Variants in UBE3D observed in about 807,000 individuals in gnomAD.
UBE3D encodes E3 ubiquitin-protein ligase E3D.
A neutral mutation model predicts 49.6 loss-of-function variants in UBE3D; 48 were observed. That is an observed-to-expected ratio of 0.97 (90% CI 0.77 to 1.23). The LOEUF (loss-of-function observed/expected upper bound fraction) is 1.23. Ranked by LOEUF, UBE3D falls within the 50% of genes most tolerant of loss-of-function variation. The pLI, the probability that UBE3D is intolerant of heterozygous loss-of-function variation, is 0.00. For synonymous variants in UBE3D, 189 were observed against 174.2 expected, an observed-to-expected ratio of 1.08 and a Z score of -0.67; for missense variants, 452 against 468.4, an observed-to-expected ratio of 0.96 and a Z score of 0.32.
chr6:83,017,725 A>G (rs751331912), intron 8 of UBE3D: 1 of 152,142 alleles, frequency 6.6e-6, no homozygotes, highest in Non-Finnish European at 1.5e-5. Context: ...AAAATTTTAA[A>G]TGTCCATACC....
intron 3 of UBE3D, 36 bp from the exon 4 acceptor site, chr6:83,044,695 A>G (rs1782908514): frequency 6.8e-7 from 1 of 1,472,972 alleles, no homozygotes; most frequent in Non-Finnish European, 9.4e-7. Context: ...TTCACAGAAC[A>G]AAATGATACT....
chr6:82,910,045 A>G (rs950858816), intron 9 of UBE3D, among the ~76,000 whole-genome samples: 4 of 152,184 alleles, frequency 2.6e-5, no homozygotes, highest in Non-Finnish European at 5.9e-5. Context: ...GTGATTCCCG[A>G]AAGCTACTTC....
chr6:82,882,423 T>C, the UBE3D span, among the ~76,000 whole-genome samples: 1 of 152,222 alleles, frequency 6.6e-6, no homozygotes, highest in African/African-American at 2.4e-5. Flanking sequence ...GACAATTGAA[T>C]ACTTGGCACC....
chr6:82,959,964 G>A (rs1165471043), intron 8 of UBE3D, among the ~76,000 whole-genome samples: 2 of 151,972 alleles, frequency 1.3e-5, no homozygotes, highest in Admixed American at 6.6e-5. Flanking sequence ...TGGGAAATAC[G>A]CTTGCAGTCC....
chr6:82,923,107 GGTGGGA>G (rs1458592330), intron 9 of UBE3D, among the ~76,000 whole-genome samples: 1 of 152,204 alleles, frequency 6.6e-6, no homozygotes, highest in Non-Finnish European at 1.5e-5. Context: ...TTACACTGTT[GGTGGGA>G]GTGTAAATTA....
intron 1 of UBE3D, among the ~76,000 whole-genome samples, chr6:83,062,835 G>A (rs1437681567): frequency 6.6e-6 from 1 of 151,980 alleles, no homozygotes; most frequent in African/African-American, 2.4e-5. Flanking sequence ...GAGAAATGAT[G>A]GCCTTTTCAA....
intron 9 of UBE3D, among the ~76,000 whole-genome samples, chr6:82,945,119 A>G (rs993950478): frequency 2.0e-5 from 3 of 152,204 alleles, no homozygotes; most frequent in African/African-American, 7.2e-5. Flanking sequence ...GAGCAAACAT[A>G]GGTGTTGGCC....
intron 9 of UBE3D, among the ~76,000 whole-genome samples, chr6:82,954,090 G>A (rs956643238): frequency 2.6e-5 from 4 of 152,174 alleles, no homozygotes; most frequent in African/African-American, 9.7e-5. Context: ...AGAAAGGGAG[G>A]CAGGGCCAAG....
intron 3 of UBE3D, among the ~76,000 whole-genome samples, chr6:83,050,246 TA>T (rs11375982): frequency 4.2e-4 from 61 of 146,532 alleles, no homozygotes; most frequent in South Asian, 6.5e-4. Flanking sequence ...CTTTTTTATT[TA>T]AAAAAAAAAA....
rs991716637 is a variant in UBE3D at position 82,896,058 on chromosome 6, T to A, written c.1150-3016A>T. Among the ~76,000 whole-genome samples the A allele has an allele frequency of 5.9e-5, 9 of 152,230 alleles. No individual in the cohort carries two copies. The East Asian group carries it at 1.7e-3, about 29-fold the overall frequency. On this transcript the variant is annotated intron_variant, in intron 9 of 9. Transcript: ENST00000369747. ...TTTCATTTGCCGAGCACATTATGTA[T>A]TTTTAAAGACAACATGAAACTGCAA...
chr6:82,952,797 A>G (rs1775896994), intron 9 of UBE3D, among the ~76,000 whole-genome samples: 1 of 152,200 alleles, frequency 6.6e-6, no homozygotes, highest in Non-Finnish European at 1.5e-5. Context: ...CAAAAAGCAC[A>G]ACTAAGAAAT....
intron 8 of UBE3D, among the ~76,000 whole-genome samples, chr6:82,997,866 T>G (rs770794088): frequency 1.3e-5 from 2 of 152,178 alleles, no homozygotes; most frequent in Non-Finnish European, 2.9e-5. Context: ...GGAGTGAAAT[T>G]AGAAATGGTA....
At chr6:83,030,371 A>G (rs1303194570) in intron 5 of UBE3D, among the ~76,000 whole-genome samples, 2 of 152,164 alleles carry the variant, frequency 1.3e-5, no homozygotes, top group East Asian at 1.9e-4. Context: ...ATGATAATGA[A>G]TAAGTCTCAT....
chr6:83,025,090 T>A (rs1324106432), intron 5 of UBE3D, among the ~76,000 whole-genome samples: 1 of 152,372 alleles, frequency 6.6e-6, no homozygotes, highest in East Asian at 1.9e-4. Context: ...AAACATCATA[T>A]AACTGAATAA....
At chr6:82,981,573 T>A (rs982643934) in intron 8 of UBE3D, among the ~76,000 whole-genome samples, 6 of 151,660 alleles carry the variant, frequency 4.0e-5, no homozygotes, top group Admixed American at 1.3e-4. Flanking sequence ...AAAAAAAAAA[T>A]TTAAATTTAT....
the UBE3D span, among the ~76,000 whole-genome samples, chr6:82,884,392 A>C: frequency 2.6e-5 from 4 of 152,204 alleles, no homozygotes; most frequent in African/African-American, 9.6e-5. Flanking sequence ...AAAGTGACAG[A>C]TGCCATGAGG....
intron 8 of UBE3D, among the ~76,000 whole-genome samples, chr6:82,958,081 T>G (rs1040919707): frequency 6.6e-6 from 1 of 152,154 alleles, no homozygotes; most frequent in African/African-American, 2.4e-5. Flanking sequence ...TGCTATATCC[T>G]GCGGAACCTA....
At chr6:83,017,039 C>T (rs1780746017) in intron 8 of UBE3D, 1 of 152,184 alleles carries the variant, frequency 6.6e-6, no homozygotes, top group South Asian at 2.1e-4. Flanking sequence ...CCCTCATAGA[C>T]ACACCCAGGA....
At chr6:83,023,714 G>C (rs1461637260) in intron 6 of UBE3D, among the ~76,000 whole-genome samples, 1 of 152,104 alleles carries the variant, frequency 6.6e-6, no homozygotes, top group Non-Finnish European at 1.5e-5. Context: ...ATAATACAAT[G>C]GACTTTGAGG....
Sources: allele counts gnomAD v4.1 joint callset (sites outside exome capture counted in the v4.1 genomes callset), GRCh38; gene constraint gnomAD v4.1.1; transcripts MANE v1.5; gene names NCBI Gene and HGNC (gene_info 2026-07-23, HGNC 2026-07-21).